Variants in SORCS1 observed in about 807,000 individuals in gnomAD.
SORCS1 encodes the protein sortilin related VPS10 domain containing receptor 1.
A neutral mutation model predicts 146.1 loss-of-function variants in SORCS1; 60 were observed. That is an observed-to-expected ratio of 0.41 (90% CI 0.33 to 0.51). SORCS1 has a LOEUF of 0.51. Among genes scored for constraint, SORCS1 ranks in the 20% least tolerant of loss-of-function variants. SORCS1 has a pLI of 0.21. For synonymous variants in SORCS1, 637 were observed against 584.0 expected, an observed-to-expected ratio of 1.09 and a Z score of -1.31; for missense variants, 1,352 against 1,487.6, an observed-to-expected ratio of 0.91 and a Z score of 1.50.
chr10:107,131,150 T>A (rs1966864651), intron 1 of SORCS1, among the ~76,000 whole-genome samples: 1 of 152,232 alleles, frequency 6.6e-6, no homozygotes. Context: ...TCCTTAGTTC[T>A]GAGCATTCTT....
At chr10:106,756,128 C>CAA (rs568777554) in intron 5 of SORCS1, among the ~76,000 whole-genome samples, 24,594 of 145,188 alleles carry the variant, frequency 0.17, 2,589 homozygotes, top group Non-Finnish European at 0.25. Context: ...GACAATGTCT[C>CAA]AAAAAAAAAA....
At chr10:106,589,916 C>A (rs1016649671) in intron 24 of SORCS1, among the ~76,000 whole-genome samples, 1 of 152,060 alleles carries the variant, frequency 6.6e-6, no homozygotes, top group Non-Finnish European at 1.5e-5. Context: ...ATTCATTATA[C>A]CTTATCATCT....
At chr10:106,886,571 C>T (rs965003155) in intron 2 of SORCS1, among the ~76,000 whole-genome samples, 6 of 152,134 alleles carry the variant, frequency 3.9e-5, no homozygotes, top group African/African-American at 1.4e-4. Context: ...CTGTTCAGCT[C>T]ATTGCAACTC....
chr10:106,940,505 GA>G (rs544458502), intron 2 of SORCS1, among the ~76,000 whole-genome samples: 4 of 152,138 alleles, frequency 2.6e-5, no homozygotes, highest in Non-Finnish European at 4.4e-5. Flanking sequence ...CATTCAAAAG[GA>G]AAAATATGTA....
rs552841708 is a variant in SORCS1, at chr10:106,667,478, CT to C, written c.2303+210del. On this transcript the variant is annotated intron_variant, in intron 17 of 25. Transcript: ENST00000263054. ...TGATCTTCAATCAAGAAACATTTCT[CT>C]TTTTTCAATTTGCAACTGGAATCTT... Among the ~76,000 whole-genome samples, 219 of 152,318 alleles carry C rather than the reference CT, an allele frequency of 1.4e-3. 1 individual carries two copies. Among genetic ancestry groups the C allele is most frequent in the Admixed American group, 2.9e-3 (44 of 15,302 alleles).
chr10:107,105,710 A>G (rs1965260276), intron 1 of SORCS1, among the ~76,000 whole-genome samples: 3 of 152,180 alleles, frequency 2.0e-5, no homozygotes, highest in Non-Finnish European at 4.4e-5. Flanking sequence ...GCAGCTGATT[A>G]GATGATGCCC....
chr10:106,920,911 G>T (rs974584889), intron 2 of SORCS1, among the ~76,000 whole-genome samples: 1 of 152,082 alleles, frequency 6.6e-6, no homozygotes, highest in African/African-American at 2.4e-5. Flanking sequence ...CATGAGGCCT[G>T]CTTGTCCCTC....
chr10:107,180,245 A>G, the SORCS1 span, among the ~76,000 whole-genome samples: 427 of 152,252 alleles, frequency 2.8e-3, 2 homozygotes, highest in African/African-American at 9.0e-3. Context: ...TTGTGGAAAT[A>G]TGATTTGGTG....
intron 2 of SORCS1, among the ~76,000 whole-genome samples, chr10:106,868,580 C>T (rs1950302313): frequency 6.6e-6 from 1 of 152,120 alleles, no homozygotes; most frequent in Non-Finnish European, 1.5e-5. Flanking sequence ...ATGCAACATG[C>T]TCCTGAATCA....
chr10:106,936,085 G>T (rs755533726), intron 2 of SORCS1, among the ~76,000 whole-genome samples: 26 of 152,134 alleles, frequency 1.7e-4, no homozygotes, highest in Non-Finnish European at 3.2e-4. Context: ...GCAGTATGGT[G>T]CAGGAAGCTA....
chr10:106,928,155 C>T (rs1223604224), intron 2 of SORCS1, among the ~76,000 whole-genome samples: 6 of 152,216 alleles, frequency 3.9e-5, no homozygotes, highest in East Asian at 3.9e-4. Context: ...GTGGAGCAGG[C>T]GGCGGCGCTC....
rs185664710 is a variant in SORCS1, at chr10:106,907,770, T to C, written c.626+48743A>G. Among the ~76,000 whole-genome samples the C allele has an allele frequency of 3.3e-3, 495 of 151,684 alleles. 6 individuals are homozygous for C. Among genetic ancestry groups the C allele is most frequent in the African/African-American group, 0.011 (465 of 41,292 alleles). Reference sequence around the variant, plus strand: ...GGAGAAAATCTGTCTCTACCAAAAATACAAAAATTAGCCAGGCATGGTGGT... The same window carrying C: ...GGAGAAAATCTGTCTCTACCAAAAACACAAAAATTAGCCAGGCATGGTGGT... On this transcript the variant is annotated intron_variant, in intron 2 of 25. Coordinates refer to ENST00000263054, the MANE Select transcript of SORCS1 (RefSeq NM_052918.5).
intron 8 of SORCS1, among the ~76,000 whole-genome samples, chr10:106,703,068 T>C (rs1417463461): frequency 1.3e-5 from 2 of 152,174 alleles, no homozygotes. Context: ...TATTCCTTTT[T>C]TCAGACATAT....
chr10:106,696,434 A>G (rs1381076281), intron 9 of SORCS1, among the ~76,000 whole-genome samples: 1 of 152,186 alleles, frequency 6.6e-6, no homozygotes, highest in Non-Finnish European at 1.5e-5. Context: ...TATCTAGGTA[A>G]TCAGCAGATA....
At chr10:106,937,082 T>C (rs1266469547) in intron 2 of SORCS1, among the ~76,000 whole-genome samples, 2 of 152,106 alleles carry the variant, frequency 1.3e-5, no homozygotes, top group Non-Finnish European at 2.9e-5. Flanking sequence ...CCATGTGTCA[T>C]GGGAAGGACT....
At chr10:106,937,534 A>G (rs1953800931) in intron 2 of SORCS1, among the ~76,000 whole-genome samples, 2 of 152,150 alleles carry the variant, frequency 1.3e-5, no homozygotes, top group South Asian at 4.1e-4. Context: ...GCCTGCTGCC[A>G]TATAAGACAT....
intron 1 of SORCS1, among the ~76,000 whole-genome samples, chr10:107,099,838 A>G (rs992834123): frequency 6.6e-6 from 1 of 152,232 alleles, no homozygotes; most frequent in African/African-American, 2.4e-5. Context: ...TTGTACTTGA[A>G]GTAAGAGATT....
At chr10:106,909,361 G>C (rs1432700117) in intron 2 of SORCS1, among the ~76,000 whole-genome samples, 2 of 151,006 alleles carry the variant, frequency 1.3e-5, no homozygotes, top group Non-Finnish European at 1.5e-5. Context: ...TATAGGTATA[G>C]AGTGGAAGGA....
intron 2 of SORCS1, among the ~76,000 whole-genome samples, chr10:106,855,735 A>C (rs1047057721): frequency 1.3e-5 from 2 of 152,030 alleles, no homozygotes; most frequent in African/African-American, 4.8e-5. Context: ...CTTTTCTTAG[A>C]ATTTCCATCT....
Sources: gnomAD v4.1 joint callset for allele counts (sites outside exome capture counted in the v4.1 genomes callset) on GRCh38, gnomAD v4.1.1 for gene constraint, MANE v1.5 for transcripts, NCBI Gene and HGNC (gene_info 2026-07-23, HGNC 2026-07-21) for gene names.